TAFA1: variants seen among roughly 807,000 people sequenced by gnomAD.
The protein encoded by TAFA1 is TAFA chemokine like family member 1.
TAFA1 carries 4 observed loss-of-function variants against 18.5 expected under a neutral mutation model. That is an observed-to-expected ratio of 0.22 (90% confidence interval 0.11 to 0.49). The LOEUF (loss-of-function observed/expected upper bound fraction) is 0.49. TAFA1 is among the 20% of genes least tolerant of loss of function. TAFA1 has a pLI of 0.98. For missense variants in TAFA1, 147 were observed against 169.0 expected, an observed-to-expected ratio of 0.87 and a Z score of 0.72; for synonymous variants, 56 against 55.2, an observed-to-expected ratio of 1.01 and a Z score of -0.06.
intron 3 of TAFA1, among the ~76,000 whole-genome samples, chr3:68,448,354 C>T (rs1450030622): frequency 6.6e-6 from 1 of 152,120 alleles, no homozygotes; most frequent in Admixed American, 6.6e-5. Flanking sequence ...ATGCATACTT[C>T]TTTATTAATA....
rs534185801 is a variant in TAFA1, at chr3:68,311,637, G to T, written c.119-105643G>T. Among the ~76,000 whole-genome samples the T allele has an allele frequency of 2.0e-5, 3 of 152,370 alleles. No individual in the cohort carries two copies. In the South Asian group the frequency reaches 6.2e-4, roughly 32 times the overall value. On this transcript the variant is annotated intron_variant, in intron 2 of 4. Transcript: ENST00000478136. ...TGTCTCACATTCAGGTCACACTGAT[G>T]CAAGAGGTGGGTTCCCATGGTCTTG...
chr3:68,127,056 G>C (rs1056343712), intron 2 of TAFA1, among the ~76,000 whole-genome samples: 1 of 152,282 alleles, frequency 6.6e-6, no homozygotes, highest in East Asian at 1.9e-4. Context: ...GCATACACTA[G>C]AGCTTCACTG....
intron 2 of TAFA1, among the ~76,000 whole-genome samples, chr3:68,350,651 C>G (rs1163374117): frequency 6.6e-6 from 1 of 152,040 alleles, no homozygotes; most frequent in African/African-American, 2.4e-5. Flanking sequence ...ATTTAAATTC[C>G]TTTTTAACAG....
chr3:68,107,494 C>G (rs919713660), intron 2 of TAFA1, among the ~76,000 whole-genome samples: 1 of 152,150 alleles, frequency 6.6e-6, no homozygotes, highest in Non-Finnish European at 1.5e-5. Flanking sequence ...AGCACACACT[C>G]TCTTTCCTTT....
intron 2 of TAFA1, among the ~76,000 whole-genome samples, chr3:68,097,535 C>A (rs1293823745): frequency 1.3e-5 from 2 of 152,032 alleles, no homozygotes; most frequent in African/African-American, 4.8e-5. Flanking sequence ...TGTCTCAAAG[C>A]AGTTACTTAG....
At chr3:68,451,706 A>G (rs189192910) in intron 3 of TAFA1, among the ~76,000 whole-genome samples, 2 of 152,332 alleles carry the variant, frequency 1.3e-5, no homozygotes, top group Non-Finnish European at 2.9e-5. Context: ...ACAGAAAGAC[A>G]ACAAGACCAA....
Position 68,006,621 on chromosome 3 carries a change from T to C in TAFA1, c.-3-3T>C. The C allele has an allele frequency of 6.2e-7, 1 of 1,606,376 alleles. No individual in the cohort carries two copies. Among genetic ancestry groups the C allele is most frequent in the Non-Finnish European group, 8.5e-7 (1 of 1,172,948 alleles). On this transcript the variant is annotated splice_polypyrimidine_tract_variant and splice_region_variant and intron_variant, in intron 1 of 4. Coordinates refer to ENST00000478136, the MANE Select transcript of TAFA1 (RefSeq NM_213609.4). ...AACCTTTCCTGTCGAATGTTCTCTT[T>C]AGAGAATGGCAATGGTCTCTGCGAT...
chr3:68,055,466 C>T (rs760779110), intron 2 of TAFA1, among the ~76,000 whole-genome samples: 8 of 152,184 alleles, frequency 5.3e-5, no homozygotes, highest in East Asian at 1.9e-4. Context: ...TTCCTAGTTT[C>T]GGTAGCTACC....
rs147372724 is a variant in TAFA1, at chr3:68,065,503, G to T, written c.118+58759G>T. Among the ~76,000 whole-genome samples the T allele has an allele frequency of 7.8e-3, 1,180 of 152,112 alleles. 17 individuals carry two copies. Among genetic ancestry groups the T allele is most frequent in the African/African-American group, 0.026 (1,087 of 41,498 alleles). ...CTTTATGTTTAAAGAAACCCTTGAG[G>T]TTATTGAGCACTTTCCTGATGAATG... On this transcript the variant is annotated intron_variant, in intron 2 of 4. Transcript: ENST00000478136.
intron 2 of TAFA1, among the ~76,000 whole-genome samples, chr3:68,063,136 G>C (rs1159159794): frequency 6.6e-6 from 1 of 152,198 alleles, no homozygotes; most frequent in African/African-American, 2.4e-5. Context: ...CGAAATCTGG[G>C]TTTTTATTTG....
At chr3:68,302,016 A>C (rs1230977145) in intron 2 of TAFA1, among the ~76,000 whole-genome samples, 2 of 152,084 alleles carry the variant, frequency 1.3e-5, no homozygotes, top group Non-Finnish European at 2.9e-5. Flanking sequence ...TGTATTAATT[A>C]CTCATTTTTA....
At chr3:68,197,736 C>T (rs1193904631) in intron 2 of TAFA1, among the ~76,000 whole-genome samples, 1 of 151,584 alleles carries the variant, frequency 6.6e-6, no homozygotes, top group Non-Finnish European at 1.5e-5. Context: ...ACAAAAGTAC[C>T]TTCAGGCTCA....
intron 3 of TAFA1, among the ~76,000 whole-genome samples, chr3:68,479,880 A>G (rs1055722777): frequency 2.2e-5 from 3 of 137,892 alleles, no homozygotes; most frequent in Non-Finnish European, 4.9e-5. Flanking sequence ...ACACACGCAT[A>G]CACACACACA....
At chr3:68,342,344 C>A (rs2069099266) in intron 2 of TAFA1, among the ~76,000 whole-genome samples, 2 of 152,158 alleles carry the variant, frequency 1.3e-5, no homozygotes, top group Admixed American at 1.3e-4. Flanking sequence ...TTGTCTCATC[C>A]TGCTTAGAAC....
At chr3:68,453,542 A>C (rs1192937474) in intron 3 of TAFA1, among the ~76,000 whole-genome samples, 5 of 152,188 alleles carry the variant, frequency 3.3e-5, no homozygotes, top group Admixed American at 1.3e-4. Flanking sequence ...TGCAAATACA[A>C]ATCTCTTTGT....
intron 2 of TAFA1, among the ~76,000 whole-genome samples, chr3:68,329,722 A>C (rs974978844): frequency 6.6e-6 from 1 of 152,234 alleles, no homozygotes; most frequent in Non-Finnish European, 1.5e-5. Context: ...AGAGTTTTAC[A>C]TGTATAAAGT....
chr3:68,460,705 C>G (rs1467018127), intron 3 of TAFA1, among the ~76,000 whole-genome samples: 1 of 152,044 alleles, frequency 6.6e-6, no homozygotes, highest in Non-Finnish European at 1.5e-5. Flanking sequence ...TGGAGTGGCT[C>G]GTTAACACAC....
chr3:68,042,321 G>T (rs1192879585), intron 2 of TAFA1, among the ~76,000 whole-genome samples: 1 of 152,192 alleles, frequency 6.6e-6, no homozygotes, highest in Non-Finnish European at 1.5e-5. Flanking sequence ...ATATCTAGCA[G>T]ATATTGTTTT....
chr3:68,108,097 A>C (rs1169657104), intron 2 of TAFA1, among the ~76,000 whole-genome samples: 2 of 152,124 alleles, frequency 1.3e-5, no homozygotes, highest in Non-Finnish European at 2.9e-5. Context: ...AGGATTTTAT[A>C]AAAATCACCT....
Sources: allele counts gnomAD v4.1 joint callset (sites outside exome capture counted in the v4.1 genomes callset), GRCh38; gene constraint gnomAD v4.1.1; transcripts MANE v1.5; gene names NCBI Gene and HGNC (gene_info 2026-07-23, HGNC 2026-07-21).